AFAP1: variants seen among roughly 807,000 people sequenced by gnomAD.
AFAP1 encodes the protein actin filament-associated protein 1.
In AFAP1, 75 loss-of-function variants were observed where a neutral mutation model predicts 93.9. That is an observed-to-expected ratio of 0.80 (90% CI 0.66 to 0.97). AFAP1 has a LOEUF of 0.97. Among genes scored for constraint, AFAP1 ranks in the 50% least tolerant of loss-of-function variants. The pLI is 0.00. For synonymous variants in AFAP1, 517 were observed against 430.7 expected (o/e 1.20, Z -2.48); for missense variants, 1,201 against 1,050.8 (o/e 1.14, Z -1.98).
intron 6 of AFAP1, among the ~76,000 whole-genome samples, chr4:7,827,396 A>AC (rs1463849513): frequency 6.6e-6 from 1 of 151,394 alleles, no homozygotes; most frequent in Non-Finnish European, 1.5e-5. Flanking sequence ...ACATAGAGAA[A>AC]CCCCGTCTCT....
chr4:7,810,824 T>C (rs969185736), intron 8 of AFAP1, among the ~76,000 whole-genome samples: 4 of 152,114 alleles, frequency 2.6e-5, no homozygotes, highest in Non-Finnish European at 5.9e-5. Context: ...GCGGTTCTCA[T>C]CACTCCCCAT....
chr4:7,892,700 C>A (rs1208086147), intron 1 of AFAP1, among the ~76,000 whole-genome samples: 1 of 152,054 alleles, frequency 6.6e-6, no homozygotes, highest in Non-Finnish European at 1.5e-5. Flanking sequence ...AACACGAACC[C>A]CCAAGACTCA....
At chr4:7,843,464 G>T in intron 4 of AFAP1, 114 bp from the exon 5 acceptor site, 1 of 978,046 alleles carries the variant, frequency 1.0e-6, no homozygotes, top group Non-Finnish European at 1.5e-6. Context: ...ATGAGAAAGG[G>T]ACCTCTGCTC....
intron 1 of AFAP1, among the ~76,000 whole-genome samples, chr4:7,903,244 G>A (rs1719217211): frequency 6.6e-6 from 1 of 152,134 alleles, no homozygotes; most frequent in African/African-American, 2.4e-5. Flanking sequence ...CATATAACAG[G>A]GAACATATAT....
intron 9 of AFAP1, among the ~76,000 whole-genome samples, chr4:7,801,920 A>T (rs891044415): frequency 2.5e-3 from 370 of 147,046 alleles, no homozygotes; most frequent in African/African-American, 8.9e-3. Context: ...ATCACAAAAA[A>T]AAAAAAAAAA....
chr4:7,780,987 G>A (rs1379080361), intron 13 of AFAP1, among the ~76,000 whole-genome samples: 4 of 152,086 alleles, frequency 2.6e-5, no homozygotes, highest in East Asian at 3.8e-4. Flanking sequence ...ATGACTACAC[G>A]GAGTCAACCC....
At chr4:7,926,343 G>A (rs555324219) in intron 1 of AFAP1, among the ~76,000 whole-genome samples, 1 of 152,160 alleles carries the variant, frequency 6.6e-6, no homozygotes, top group Non-Finnish European at 1.5e-5. Flanking sequence ...CCGTAACGCA[G>A]TTATCAGCAG....
intron 3 of AFAP1, 142 bp downstream of exon 3, chr4:7,868,480 C>G (rs898692200): frequency 1.5e-6 from 1 of 660,408 alleles, no homozygotes; most frequent in Non-Finnish European, 2.5e-6. Context: ...CTTCTCAGCC[C>G]TAGAAATATA....
chr4:7,872,891 G>A (rs1223506745), intron 1 of AFAP1, among the ~76,000 whole-genome samples: 1 of 140,144 alleles, frequency 7.1e-6, no homozygotes, highest in Non-Finnish European at 1.5e-5. Flanking sequence ...TAGCGGTCAT[G>A]ATATCCTTCA....
intron 3 of AFAP1, among the ~76,000 whole-genome samples, chr4:7,857,613 C>A (rs986624752): frequency 6.6e-6 from 1 of 152,174 alleles, no homozygotes; most frequent in East Asian, 1.9e-4. Context: ...GGCCCAGCAC[C>A]AGGCAAGGTC....
At chr4:7,887,098 A>C (rs1477512304) in intron 1 of AFAP1, among the ~76,000 whole-genome samples, 2 of 152,226 alleles carry the variant, frequency 1.3e-5, no homozygotes, top group Non-Finnish European at 2.9e-5. Context: ...CCACTTTTGT[A>C]AAGACCCTTC....
chr4:7,769,965 G>A (rs1020323535), intron 16 of AFAP1, among the ~76,000 whole-genome samples: 3 of 152,212 alleles, frequency 2.0e-5, no homozygotes, highest in Non-Finnish European at 4.4e-5. Flanking sequence ...TCTGGCAGAG[G>A]CCAGGCTAGG....
intron 7 of AFAP1, among the ~76,000 whole-genome samples, chr4:7,817,084 G>A (rs76342242): frequency 0.02 from 3,075 of 152,278 alleles, 49 homozygotes; most frequent in Non-Finnish European, 0.031. Flanking sequence ...GTGTGAGTGC[G>A]TGGATGAGGA....
Position 7,841,108 on chromosome 4 carries a change from G to A in AFAP1, c.546+2031C>T, listed in dbSNP as rs116631004. Among the ~76,000 whole-genome samples, 523 of 152,334 alleles carry A rather than the reference G, an allele frequency of 3.4e-3. 2 individuals carry two copies. The highest frequency in any genetic ancestry group is 0.012 in the African/African-American group (508 of 41,582). ...AGCAGGCGGGATTTCCTGGGAAGCC[G>A]CCTCTATAGCAGGCAGCAGCATGCA... On this transcript the variant is annotated intron_variant, in intron 5 of 17. Coordinates refer to ENST00000420658, the MANE Select transcript of AFAP1 (RefSeq NM_001134647.2).
chr4:7,937,199 T>G (rs1721436500), intron 1 of AFAP1, among the ~76,000 whole-genome samples: 1 of 152,214 alleles, frequency 6.6e-6, no homozygotes, highest in Admixed American at 6.5e-5. Context: ...TCCTTAACTC[T>G]GAGATAAAGT....
intron 1 of AFAP1, among the ~76,000 whole-genome samples, chr4:7,876,907 A>T (rs1717544335): frequency 6.6e-6 from 1 of 152,198 alleles, no homozygotes; most frequent in South Asian, 2.1e-4. Context: ...TCACAGACTA[A>T]ATAAACCATA....
chr4:7,922,994 AAAAAT>A (rs1379820126), intron 1 of AFAP1, among the ~76,000 whole-genome samples: 7 of 152,212 alleles, frequency 4.6e-5, no homozygotes, highest in East Asian at 1.9e-4. Flanking sequence ...GACATGTCTC[AAAAAT>A]AAAATAAAAT....
intron 5 of AFAP1, among the ~76,000 whole-genome samples, chr4:7,839,344 A>G (rs1560190982): frequency 1.4e-5 from 2 of 144,410 alleles, no homozygotes; most frequent in Non-Finnish European, 3.0e-5. Context: ...ACTAACAAAG[A>G]AAAACAAAAC....
intron 16 of AFAP1, among the ~76,000 whole-genome samples, chr4:7,771,730 G>C (rs1480772169): frequency 6.6e-6 from 1 of 152,208 alleles, no homozygotes; most frequent in East Asian, 1.9e-4. Flanking sequence ...AAAGAACCAT[G>C]CATGAGTGGC....
Sources: gnomAD v4.1 joint callset for allele counts (sites outside exome capture counted in the v4.1 genomes callset) on GRCh38, gnomAD v4.1.1 for gene constraint, MANE v1.5 for transcripts, NCBI Gene and HGNC (gene_info 2026-07-23, HGNC 2026-07-21) for gene names.